The following PAX7 variants were observed in gnomAD, a reference collection of about 807,000 sequenced individuals.
PAX7 encodes paired box protein Pax-7.
In PAX7, 18 loss-of-function variants were observed where a neutral mutation model predicts 50.7. That is an observed-to-expected ratio of 0.36 (90% confidence interval 0.25 to 0.53). PAX7 has a LOEUF of 0.53. Ranked by LOEUF, PAX7 falls within the 20% of genes least tolerant of loss-of-function variation. The probability of loss-of-function intolerance (pLI) is 0.93; values close to 1 mark genes in which losing one functional copy is unlikely to be tolerated. For missense variants in PAX7, 644 were observed against 702.9 expected, an observed-to-expected ratio of 0.92 and a Z score of 0.95; for synonymous variants, 310 against 290.4, an observed-to-expected ratio of 1.07 and a Z score of -0.69.
At chr1:18,633,986 C>T (rs922748573) in intron 1 of PAX7, among the ~76,000 whole-genome samples, 22 of 152,348 alleles carry the variant, frequency 1.4e-4, no homozygotes, top group African/African-American at 5.0e-4. Context: ...TCTCTCCCTC[C>T]CCTTCTTAGC....
chr1:18,724,232 G>T (rs1158156054), intron 7 of PAX7, among the ~76,000 whole-genome samples: 1 of 145,420 alleles, frequency 6.9e-6, no homozygotes, highest in African/African-American at 2.7e-5. Context: ...CTGGCTCAAG[G>T]CCTCCCTGCT....
At chr1:18,666,722 T>A (rs2088674950) in intron 4 of PAX7, among the ~76,000 whole-genome samples, 1 of 151,900 alleles carries the variant, frequency 6.6e-6, no homozygotes, top group Non-Finnish European at 1.5e-5. Context: ...GTCCTCGGGG[T>A]TCAACCCTTC....
rs1436800566 is a variant in PAX7, at chr1:18,726,305, C to A, written c.1156-9327C>A. The stretch of plus-strand genomic sequence containing the variant: ...GGAATGGGGAGGGGGCACTTAGAAA[C>A]CCATTGGGTTGGAGGATGTTTGCAA... On this transcript the variant is annotated intron_variant, in intron 7 of 8. Coordinates refer to ENST00000420770, the MANE Select transcript of PAX7 (RefSeq NM_001135254.2). The surrounding 1 kb of genome is among the most constrained non-coding windows in gnomAD (Gnocchi z 4.8). Among the ~76,000 whole-genome samples the A allele has an allele frequency of 6.6e-6, 1 of 152,218 alleles. No individual in the cohort carries two copies. Among genetic ancestry groups the A allele is most frequent in the East Asian group, 1.9e-4 (1 of 5,190 alleles).
intron 4 of PAX7, among the ~76,000 whole-genome samples, chr1:18,688,836 C>T (rs937206066): frequency 6.6e-6 from 1 of 152,160 alleles, no homozygotes; most frequent in African/African-American, 2.4e-5. Context: ...ACCATTTGAA[C>T]CCGGGAGATG....
At chr1:18,723,456 C>T (rs550743433) in intron 7 of PAX7, among the ~76,000 whole-genome samples, 3 of 152,244 alleles carry the variant, frequency 2.0e-5, no homozygotes, top group South Asian at 2.1e-4. Flanking sequence ...AGAGGGAAAT[C>T]GAAGATGATT....
intron 8 of PAX7, among the ~76,000 whole-genome samples, chr1:18,737,349 C>T (rs1031250693): frequency 6.6e-6 from 1 of 151,538 alleles, no homozygotes; most frequent in Admixed American, 6.5e-5. Context: ...ACCCACTCCT[C>T]TTCACGTGTC....
intron 7 of PAX7, among the ~76,000 whole-genome samples, chr1:18,710,550 T>TA (rs931948111): frequency 1.3e-4 from 19 of 151,114 alleles, no homozygotes; most frequent in South Asian, 8.4e-4. Flanking sequence ...GCCCAGAATT[T>TA]AAAAAAAAAC....
rs76183667 is a variant in PAX7 at position 18,656,037 on chromosome 1, T to C, written c.586+19666T>C. The stretch of plus-strand genomic sequence containing the variant: ...CCCTCTCCTTAGCCTTGCCAGTGTA[T>C]CAGTTTAACCCATCTGCGATATGGG... On this transcript the variant is annotated intron_variant, in intron 4 of 8. Transcript: ENST00000420770. Among the ~76,000 whole-genome samples, 17 of 152,238 alleles carry C rather than the reference T, an allele frequency of 1.1e-4. No individual in the cohort carries two copies. In the East Asian group the frequency reaches 3.1e-3, roughly 28 times the overall value.
At chr1:18,666,086 A>G (rs2088665169) in intron 4 of PAX7, among the ~76,000 whole-genome samples, 1 of 152,168 alleles carries the variant, frequency 6.6e-6, no homozygotes, top group South Asian at 2.1e-4. Flanking sequence ...AGGCAGGAGG[A>G]TCGCTTGGGC....
intron 4 of PAX7, among the ~76,000 whole-genome samples, chr1:18,664,968 T>A (rs2088647825): frequency 6.6e-6 from 1 of 152,088 alleles, no homozygotes. Flanking sequence ...TGGTGGCTAA[T>A]CTTGAGTCAG....
Position 18,745,785 on chromosome 1 carries a change from TCA to T in PAX7, c.*857_*858del. On this transcript the variant is annotated 3_prime_UTR_variant, in exon 9 of 9. Transcript: ENST00000420770. ...GGGCCTGGGGAGCCCACAGAACTTT[TCA>T]GTTTCCTTCATTAGCTGAATCAGAT... 4.3e-6 allele frequency: 1 copy of T among 232,000 alleles called. No individual in the cohort carries two copies. The highest frequency in any genetic ancestry group is 8.5e-6 in the Non-Finnish European group (1 of 117,284). 14.4% of individuals were successfully genotyped at this position (232,000 alleles called of 1,614,324 possible). A position where few individuals can be genotyped will look rare whatever the true frequency, so the allele number is the denominator to read the frequency against.
chr1:18,713,091 A>C (rs2089376318), intron 7 of PAX7, among the ~76,000 whole-genome samples: 1 of 152,092 alleles, frequency 6.6e-6, no homozygotes, highest in Admixed American at 6.6e-5. Flanking sequence ...CAAGAAAAAA[A>C]AGGGGAGGGG....
chr1:18,689,656 G>T (rs2089038867), intron 4 of PAX7, among the ~76,000 whole-genome samples: 1 of 152,168 alleles, frequency 6.6e-6, no homozygotes. Flanking sequence ...GGGCAGAGAG[G>T]CATTGCCAAG....
chr1:18,683,217 C>T (rs1346974530), intron 4 of PAX7, among the ~76,000 whole-genome samples: 1 of 152,214 alleles, frequency 6.6e-6, no homozygotes, highest in African/African-American at 2.4e-5. Flanking sequence ...CACACAGACA[C>T]ATTTGAAATG....
chr1:18,730,421 G>A (rs1021568126), intron 7 of PAX7, among the ~76,000 whole-genome samples: 8 of 151,944 alleles, frequency 5.3e-5, no homozygotes, highest in African/African-American at 1.9e-4. Context: ...CCTGCCGATG[G>A]TCCCTGCAGC....
intron 4 of PAX7, among the ~76,000 whole-genome samples, chr1:18,678,049 T>C (rs1480721503): frequency 1.4e-5 from 2 of 142,686 alleles, no homozygotes; most frequent in Non-Finnish European, 3.0e-5. Context: ...GCCACTGCAC[T>C]CCAGCCTGGG....
At chr1:18,743,691 T>G (rs2100419829) in intron 8 of PAX7, among the ~76,000 whole-genome samples, 1 of 152,352 alleles carries the variant, frequency 6.6e-6, no homozygotes, top group Admixed American at 6.5e-5. Context: ...TGATTTCTTT[T>G]GTAGCCTCAG....
chr1:18,686,476 A>G (rs1257141190), intron 4 of PAX7, among the ~76,000 whole-genome samples: 1 of 152,138 alleles, frequency 6.6e-6, no homozygotes, highest in Non-Finnish European at 1.5e-5. Context: ...CTGCCGTTTA[A>G]TGAATGCGTT....
chr1:18,657,016 G>A (rs890516157), intron 4 of PAX7, among the ~76,000 whole-genome samples: 1 of 152,124 alleles, frequency 6.6e-6, no homozygotes, highest in East Asian at 1.9e-4. Context: ...GAAAAAATAG[G>A]ATCATGTCAA....
Sources: allele counts gnomAD v4.1 joint callset (sites outside exome capture counted in the v4.1 genomes callset), GRCh38; gene constraint gnomAD v4.1.1; non-coding constraint Gnocchi (gnomAD v3.1); transcripts MANE v1.5; gene names NCBI Gene and HGNC (gene_info 2026-07-23, HGNC 2026-07-21).